FRMD8: variants seen among roughly 807,000 people sequenced by gnomAD.
The protein encoded by FRMD8 is FERM domain-containing protein 8.
FRMD8 carries 37 observed loss-of-function variants against 54.2 expected under a neutral mutation model. That is an observed-to-expected ratio of 0.68 (90% CI 0.53 to 0.90). The LOEUF (loss-of-function observed/expected upper bound fraction) is 0.90. Among genes scored for constraint, FRMD8 ranks in the 40% least tolerant of loss-of-function variants. The probability of loss-of-function intolerance (pLI) is 0.00; values close to 1 mark genes in which losing one functional copy is unlikely to be tolerated. For missense variants in FRMD8, 585 were observed against 653.7 expected (o/e 0.89, Z 1.15); for synonymous variants, 246 against 286.9 (o/e 0.86, Z 1.44).
intron 5 of FRMD8, 29 bp downstream of exon 5, chr11:65,394,128 A>G (rs1199501749): frequency 2.5e-6 from 4 of 1,611,900 alleles, no homozygotes; most frequent in African/African-American, 1.3e-5. Flanking sequence ...TGGCCCCACC[A>G]GGCCTGGCCC....
rs1311592522 is a variant in FRMD8, at chr11:65,401,211, G to A, written c.1071+344G>A. Among the ~76,000 whole-genome samples the A allele has an allele frequency of 5.9e-5, 9 of 151,970 alleles. No individual in the cohort carries two copies. In the South Asian group the frequency reaches 8.3e-4, roughly 14 times the overall value. The stretch of plus-strand genomic sequence containing the variant: ...TGTGACCCTATTCACAGTCACCTGC[G>A]GTGGGCGTGGAAACGTTGGGCCTCT... On this transcript the variant is annotated intron_variant, in intron 9 of 10. Coordinates refer to ENST00000317568, the MANE Select transcript of FRMD8 (RefSeq NM_031904.5).
At chr11:65,380,147 C>T in the FRMD8 span, 111 of 1,614,166 alleles carry the variant, frequency 6.9e-5, no homozygotes, top group South Asian at 7.7e-4. Flanking sequence ...CAGTGTCAAA[C>T]GGGTGTCCCA....
chr11:65,407,910 A>G lies in FRMD8; in HGVS notation c.1276+2842A>G, dbSNP rs1856240220. 2.0e-5 allele frequency among the ~76,000 whole-genome samples: 3 copies of G among 149,692 alleles called. 1 individual carries two copies. The South Asian group carries it at 6.3e-4, about 32-fold the overall frequency. On this transcript the variant is annotated intron_variant, in intron 10 of 10. Coordinates refer to ENST00000317568, the MANE Select transcript of FRMD8 (RefSeq NM_031904.5). Reference sequence around the variant, plus strand: ...AAAAAAAAAAAAAAAGGAAATGAGTAACAGGACAGCATGTGTGCAGCCATG... The same window carrying G: ...AAAAAAAAAAAAAAAGGAAATGAGTGACAGGACAGCATGTGTGCAGCCATG...
chr11:65,410,390 G>A (rs1438556611), intron 10 of FRMD8, among the ~76,000 whole-genome samples: 1 of 152,070 alleles, frequency 6.6e-6, no homozygotes, highest in African/African-American at 2.4e-5. Flanking sequence ...AGCTACTCAG[G>A]AGGCTGAGGC....
rs948883768 is a variant in FRMD8, at chr11:65,392,738, C to T, written c.254-835C>T. Among the ~76,000 whole-genome samples the T allele has an allele frequency of 3.3e-5, 5 of 152,016 alleles. No individual in the cohort carries two copies. In the East Asian group the frequency reaches 7.7e-4, roughly 23 times the overall value. The stretch of plus-strand genomic sequence containing the variant: ...CTGCAGCCCCTGTGGGTGGCAGCAG[C>T]GAGGAATGTCAGGTAGTGATCAGCC... On this transcript the variant is annotated intron_variant, in intron 3 of 10. Transcript: ENST00000317568.
At chr11:65,376,947 C>T in the FRMD8 span, 6 of 1,613,198 alleles carry the variant, frequency 3.7e-6, no homozygotes, top group Middle Eastern at 3.3e-4. Context: ...GGCCCCTCCT[C>T]CCGGAAGATG....
chr11:65,394,138 C>G (rs764658616), intron 5 of FRMD8, 39 bp downstream of exon 5: 5 of 1,610,570 alleles, frequency 3.1e-6, no homozygotes, highest in Non-Finnish European at 4.2e-6. Context: ...AGGCCTGGCC[C>G]CTTGTGCCCA....
the FRMD8 span, chr11:65,368,064 T>C: frequency 3.6e-5 from 5 of 140,696 alleles, no homozygotes; most frequent in African/African-American, 1.3e-4. Context: ...GGGATTTTTT[T>C]TGGTGTTTTT....
intron 6 of FRMD8, among the ~76,000 whole-genome samples, 162 bp downstream of exon 6, chr11:65,394,587 C>T (rs752177325): frequency 2.0e-5 from 3 of 152,216 alleles, no homozygotes; most frequent in African/African-American, 4.8e-5. Flanking sequence ...GTTGTTCCGC[C>T]CCTCAGCCTC....
the FRMD8 span, among the ~76,000 whole-genome samples, chr11:65,371,903 G>A: frequency 3.3e-5 from 5 of 149,822 alleles, no homozygotes; most frequent in African/African-American, 4.9e-5. Context: ...CATGAGCCAC[G>A]AAGCCCGGCT....
rs141852979 is a variant in FRMD8, at chr11:65,394,360, C to T, written c.516C>T (p.Gly172=). The change falls in exon 6 of 11, where the codon GGC becomes GGT. Residue 172 remains glycine, a synonymous_variant. Coordinates refer to ENST00000317568, the MANE Select transcript of FRMD8 (RefSeq NM_031904.5). Reference sequence around the variant, plus strand: ...ACGTGGAGGACTGCGAGGCTCTGGGCGCCCTGGTGTGCCGCGTGCAGCTTG... The same window carrying T: ...ACGTGGAGGACTGCGAGGCTCTGGGTGCCCTGGTGTGCCGCGTGCAGCTTG... The part of the protein sequence containing the change: ...PCDVEDCEAL[G]ALVCRVQLGP... 2.7e-5 allele frequency: 42 copies of T among 1,577,844 alleles called. No homozygotes were observed. The Admixed American group carries it at 3.9e-4, about 14-fold the overall frequency.
Position 65,400,871 on chromosome 11 carries a change from GC to G in FRMD8, c.1071+5del. ...CCTCAAGATCTACTCCAAGCAGGTAGCGCGGGTGGTGCCTGCACACGGGTGG... is the reference window on the plus strand; with the variant it reads ...CCTCAAGATCTACTCCAAGCAGGTAGGCGGGTGGTGCCTGCACACGGGTGG... On this transcript the variant is annotated splice_donor_5th_base_variant and intron_variant, in intron 9 of 10. Transcript: ENST00000317568. The surrounding 1 kb of genome is among the most constrained non-coding windows in gnomAD (Gnocchi z 4.3). The G allele has an allele frequency of 6.3e-7, 1 of 1,598,148 alleles. No individual in the cohort carries two copies.
intron 3 of FRMD8, 37 bp from the exon 4 acceptor site, chr11:65,393,536 G>T: frequency 6.6e-7 from 1 of 1,514,060 alleles, no homozygotes; most frequent in Non-Finnish European, 9.1e-7. Context: ...TGGACTGGCC[G>T]GAGGCTGCAT....
chr11:65,394,476 C>A, intron 6 of FRMD8, 51 bp downstream of exon 6: 1 of 1,529,016 alleles, frequency 6.5e-7, no homozygotes, highest in African/African-American at 1.4e-5. Context: ...GGAGTTTGTC[C>A]TTGGAATGGA....
intron 3 of FRMD8, among the ~76,000 whole-genome samples, chr11:65,389,870 G>A (rs61895445): frequency 3.9e-5 from 6 of 152,328 alleles, no homozygotes; most frequent in Non-Finnish European, 8.8e-5. Flanking sequence ...CACAACCTGG[G>A]TGGTGTTTGG....
chr11:65,376,782 C>T, the FRMD8 span: 4 of 1,614,228 alleles, frequency 2.5e-6, no homozygotes, highest in South Asian at 4.4e-5. Context: ...GCTACCCACA[C>T]CTCTGTCCCC....
chr11:65,388,408 C>T (rs994667411), intron 2 of FRMD8, among the ~76,000 whole-genome samples: 2 of 152,152 alleles, frequency 1.3e-5, no homozygotes, highest in Non-Finnish European at 2.9e-5. Flanking sequence ...AGCACCTTCT[C>T]TTGTGTAGAT....
At chr11:65,386,617 C>T (rs1293104288), upstream of FRMD8, 1 of 181,908 alleles carries the variant, frequency 5.5e-6, no homozygotes, top group Non-Finnish European at 1.1e-5. Context: ...CGCCGCGCTT[C>T]CTCCCGCCGT....
At chr11:65,406,119 C>G (rs778878353) in intron 10 of FRMD8, among the ~76,000 whole-genome samples, 1 of 151,806 alleles carries the variant, frequency 6.6e-6, no homozygotes, top group Non-Finnish European at 1.5e-5. Context: ...CCTCCGCCTC[C>G]CCAGTTCTAG....
Sources: allele counts gnomAD v4.1 joint callset (sites outside exome capture counted in the v4.1 genomes callset), GRCh38; gene constraint gnomAD v4.1.1; non-coding constraint Gnocchi (gnomAD v3.1); transcripts MANE v1.5; gene names NCBI Gene and HGNC (gene_info 2026-07-23, HGNC 2026-07-21).